Variants in ESR1 observed in about 807,000 individuals in gnomAD.
The protein encoded by ESR1 is estrogen receptor.
In ESR1, 12 loss-of-function variants were observed where a neutral mutation model predicts 52.7. The ratio of observed to expected loss-of-function variants is 0.23; its 90% CI spans 0.15 to 0.37. The LOEUF (loss-of-function observed/expected upper bound fraction) is 0.37. Among genes scored for constraint, ESR1 ranks in the 10% least tolerant of loss-of-function variants. The pLI is 1.00. For missense variants in ESR1, 584 were observed against 779.7 expected (o/e 0.75, Z 2.99); for synonymous variants, 305 against 316.8 (o/e 0.96, Z 0.39).
intron 2 of ESR1, among the ~76,000 whole-genome samples, chr6:151,778,877 G>C (rs932582068): frequency 1.3e-5 from 2 of 152,086 alleles, no homozygotes; most frequent in Non-Finnish European, 2.9e-5. Flanking sequence ...TCCTGGGTAA[G>C]CACCTTTGGT....
chr6:151,689,652 G>C (rs1778823856), upstream of ESR1, among the ~76,000 whole-genome samples: 1 of 152,132 alleles, frequency 6.6e-6, no homozygotes, highest in African/African-American at 2.4e-5. Context: ...GTGTTCCTCT[G>C]TACTGGGTAC....
intron 2 of ESR1, among the ~76,000 whole-genome samples, chr6:151,796,989 C>T (rs1398913594): frequency 1.3e-5 from 2 of 152,226 alleles, no homozygotes. Context: ...AGAGTATACA[C>T]AATGCTACTA....
chr6:151,678,724 T>C (rs2115284698), intron 1 of ESR1, among the ~76,000 whole-genome samples: 1 of 151,374 alleles, frequency 6.6e-6, no homozygotes, highest in Admixed American at 6.6e-5. Context: ...TCTTACTCCG[T>C]TGCCTGGGCT....
chr6:152,041,602 G>A (rs1389257250), intron 5 of ESR1, among the ~76,000 whole-genome samples: 1 of 152,212 alleles, frequency 6.6e-6, no homozygotes, highest in African/African-American at 2.4e-5. Context: ...GCACACAAGT[G>A]TCTCACCAAT....
downstream of ESR1, among the ~76,000 whole-genome samples, chr6:152,108,014 CAA>C (rs2051086505): frequency 6.6e-6 from 1 of 152,192 alleles, no homozygotes; most frequent in Non-Finnish European, 1.5e-5. Context: ...AGAATGCATT[CAA>C]TTTTCAGGCT....
chr6:151,864,937 G>A (rs937086813), intron 2 of ESR1, among the ~76,000 whole-genome samples: 2 of 115,260 alleles, frequency 1.7e-5, no homozygotes, highest in African/African-American at 6.8e-5. Context: ...GGGGCCTGTT[G>A]TGGGGTGGGG....
intron 2 of ESR1, among the ~76,000 whole-genome samples, chr6:151,865,448 C>A (rs534101702): frequency 6.6e-6 from 1 of 152,266 alleles, no homozygotes; most frequent in South Asian, 2.1e-4. Context: ...TATCAAGAAT[C>A]CCAGAAGGGT....
intron 4 of ESR1, among the ~76,000 whole-genome samples, chr6:151,963,442 C>T (rs570706377): frequency 7.7e-4 from 118 of 152,292 alleles, no homozygotes; most frequent in Non-Finnish European, 1.5e-3. Context: ...CAGTTGGTAT[C>T]CCAAAGTGTG....
At chr6:151,952,410 C>T (rs1160366066) in intron 4 of ESR1, among the ~76,000 whole-genome samples, 2 of 152,142 alleles carry the variant, frequency 1.3e-5, no homozygotes, top group Non-Finnish European at 2.9e-5. Flanking sequence ...TTTCCCCTGC[C>T]ATTCTCCCCT....
At chr6:151,873,633 T>C (rs1791348857) in intron 2 of ESR1, among the ~76,000 whole-genome samples, 1 of 152,236 alleles carries the variant, frequency 6.6e-6, no homozygotes, top group African/African-American at 2.4e-5. Flanking sequence ...ATGTTGTCTG[T>C]ACCTTAACAC....
In ESR1 at chr6:152,098,972, C is replaced by T. The variant is rs1392234664; in HGVS notation, c.*6C>T. On this transcript the variant is annotated 3_prime_UTR_variant, in exon 8 of 8. Transcript: ENST00000206249. The surrounding 1 kb of genome is among the most constrained non-coding windows in gnomAD (Gnocchi z 5.1). ...GTTTCCCTGCCACGGTCTGAGAGCT[C>T]CCTGGCTCCCACACGGTTCAGATAA... 1 of 1,608,800 alleles carries T rather than the reference C, an allele frequency of 6.2e-7. No individual in the cohort carries two copies.
chr6:152,128,449 A>T (rs974092288), exon 7 of ESR1: 2 of 152,360 alleles, frequency 1.3e-5, no homozygotes, highest in Admixed American at 1.3e-4. Flanking sequence ...GGTGTTCAGT[A>T]CCTATTGGCA....
intron 2 of ESR1, among the ~76,000 whole-genome samples, chr6:151,854,140 A>T (rs1259559063): frequency 1.3e-5 from 2 of 152,342 alleles, no homozygotes; most frequent in South Asian, 2.1e-4. Flanking sequence ...TTTTAGACGT[A>T]GGTTGCTAAT....
chr6:151,792,246 A>G (rs1776234136), intron 2 of ESR1, among the ~76,000 whole-genome samples: 4 of 152,226 alleles, frequency 2.6e-5, no homozygotes, highest in African/African-American at 9.6e-5. Context: ...TGGAGCTTGC[A>G]GGACTGGAAG....
chr6:151,800,015 G>A (rs1188281130), upstream of ESR1, among the ~76,000 whole-genome samples: 1 of 152,162 alleles, frequency 6.6e-6, no homozygotes, highest in African/African-American at 2.4e-5. Context: ...GACAAGTTGA[G>A]CTTCAAGTAG....
intron 2 of ESR1, among the ~76,000 whole-genome samples, chr6:151,859,765 G>C (rs1788538855): frequency 6.6e-6 from 1 of 152,166 alleles, no homozygotes; most frequent in South Asian, 2.1e-4. Context: ...CTGTTCTCAG[G>C]AGGCAGTAAC....
At chr6:151,976,618 G>A (rs2039461779) in intron 4 of ESR1, among the ~76,000 whole-genome samples, 1 of 152,070 alleles carries the variant, frequency 6.6e-6, no homozygotes, top group African/African-American at 2.4e-5. Flanking sequence ...AATATCATAA[G>A]AGTAGTAATT....
chr6:151,763,181 A>C (rs554318732), intron 2 of ESR1, among the ~76,000 whole-genome samples: 1 of 152,186 alleles, frequency 6.6e-6, no homozygotes, highest in East Asian at 1.9e-4. Context: ...TGTAATTTCC[A>C]AATTATAACC....
At chr6:152,121,893 T>C (rs2051469894) in intron 6 of ESR1, 1 of 155,688 alleles carries the variant, frequency 6.4e-6, no homozygotes, top group Non-Finnish European at 1.4e-5. Flanking sequence ...CTTGTGCTTC[T>C]AAAGCAAAGG....
Sources: gnomAD v4.1 joint callset for allele counts (sites outside exome capture counted in the v4.1 genomes callset) on GRCh38, gnomAD v4.1.1 for gene constraint, Gnocchi (gnomAD v3.1) non-coding constraint, MANE v1.5 for transcripts, NCBI Gene and HGNC (gene_info 2026-07-23, HGNC 2026-07-21) for gene names.